Variants in PLAA observed in about 807,000 individuals in gnomAD.
PLAA encodes phospholipase A-2-activating protein.
A neutral mutation model predicts 84.1 loss-of-function variants in PLAA; 48 were observed. That is an observed-to-expected ratio of 0.57 (90% confidence interval 0.45 to 0.73). The LOEUF (loss-of-function observed/expected upper bound fraction) is 0.73. Ranked by LOEUF, PLAA falls within the 30% of genes least tolerant of loss-of-function variation. PLAA has a pLI of 0.00. For synonymous variants in PLAA, 392 were observed against 336.6 expected (o/e 1.16, Z -1.80); for missense variants, 903 against 954.7 (o/e 0.95, Z 0.71).
In PLAA at chr9:26,926,426, TATA is replaced by T. The variant is rs1563913870; in HGVS notation, c.697_699del (p.Tyr233del). 6.2e-7 allele frequency: 1 copy of T among 1,608,616 alleles called. No individual in the cohort carries two copies. The highest frequency in any genetic ancestry group is 8.5e-7 in the Non-Finnish European group (1 of 1,175,256). On this transcript the variant is annotated inframe_deletion, in exon 5 of 14. Transcript: ENST00000397292. ...TTTGGAAAAACGGATATGCTATAAA[TATA>T]ATTTGTATGTCCATAATATACTTCA...
chr9:26,914,770 A>C (rs1047673046), intron 10 of PLAA, among the ~76,000 whole-genome samples: 7 of 152,216 alleles, frequency 4.6e-5, no homozygotes, highest in African/African-American at 1.7e-4. Context: ...TTAAGCTGTT[A>C]AAAGGTAAAG....
At chr9:26,925,493 T>C (rs1241840723) in intron 6 of PLAA, among the ~76,000 whole-genome samples, 4 of 152,224 alleles carry the variant, frequency 2.6e-5, no homozygotes, top group South Asian at 2.1e-4. Context: ...TCTTTCAAAA[T>C]CCAGTTCAAA....
chr9:26,925,711 T>C (rs1464528564), intron 6 of PLAA, 114 bp downstream of exon 6: 5 of 806,394 alleles, frequency 6.2e-6, no homozygotes, highest in South Asian at 3.4e-5. Flanking sequence ...AATTGAAGTG[T>C]CCATATAGTC....
At position 26,939,531 on chromosome 9, in the gene PLAA, A is replaced by AACAG. The variant is rs138560527; in HGVS notation, c.150-4329_150-4326dup. On this transcript the variant is annotated intron_variant, in intron 1 of 13. Transcript: ENST00000397292. ...CAAACAAACTTTAAGGCATATAGAA[A>AACAG]ACAGACAGCAAAATGGCATCGGTGA... 3.1e-3 allele frequency among the ~76,000 whole-genome samples: 472 copies of AACAG among 151,816 alleles called. 3 individuals are homozygous for AACAG. Among genetic ancestry groups the AACAG allele is most frequent in the African/African-American group, 0.011 (460 of 41,468 alleles).
intron 12 of PLAA, among the ~76,000 whole-genome samples, chr9:26,910,097 A>AT (rs1206266005): frequency 9.2e-5 from 14 of 151,926 alleles, no homozygotes; most frequent in Admixed American, 9.2e-4. Flanking sequence ...TCCACCTTTA[A>AT]TTTTTTTTAT....
At chr9:26,939,311 C>A (rs541718268) in intron 1 of PLAA, among the ~76,000 whole-genome samples, 1 of 151,976 alleles carries the variant, frequency 6.6e-6, no homozygotes, top group Admixed American at 6.6e-5. Flanking sequence ...TGGCGTGAAC[C>A]CAAGAGGTGG....
chr9:26,922,489 A>G (rs537229701), intron 7 of PLAA, among the ~76,000 whole-genome samples: 65 of 152,230 alleles, frequency 4.3e-4, no homozygotes, highest in Non-Finnish European at 2.8e-4. Context: ...CCTCATGGAC[A>G]TCCTGAAAGG....
rs1285327068 is a variant in PLAA at position 26,903,447 on chromosome 9, A to T, written c.*2064T>A. Among the ~76,000 whole-genome samples the T allele has an allele frequency of 6.6e-6, 1 of 152,240 alleles. No individual in the cohort carries two copies. Among genetic ancestry groups the T allele is most frequent in the Non-Finnish European group, 1.5e-5 (1 of 68,030 alleles). Reference sequence around the variant, plus strand: ...TTTAAAAATCAGGTTATCAAAGAGTATGTATGATACAACGCTTTTTTAATA... The same window carrying T: ...TTTAAAAATCAGGTTATCAAAGAGTTTGTATGATACAACGCTTTTTTAATA... On this transcript the variant is annotated 3_prime_UTR_variant, in exon 14 of 14. Coordinates refer to ENST00000397292, the MANE Select transcript of PLAA (RefSeq NM_001031689.3).
intron 10 of PLAA, among the ~76,000 whole-genome samples, chr9:26,915,395 A>T (rs17694306): frequency 0.049 from 7,387 of 152,276 alleles, 212 homozygotes; most frequent in South Asian, 0.099. Context: ...AGATCATTCT[A>T]ATAAACATTA....
At position 26,913,903 on chromosome 9, in the gene PLAA, T is replaced by C. The variant is rs1824471495; in HGVS notation, c.1531A>G (p.Met511Val). Residue 511 changes from methionine to valine, a missense_variant, in exon 11 of 14, where the codon ATG becomes GTG. By Grantham distance (21) the Met-to-Val change is conservative. Transcript: ENST00000397292. ...VPGSASMGTTMAGVDPFTGNS... is the reference protein window; with the variant it reads ...VPGSASMGTTVAGVDPFTGNS... ...CCTGTAAATGGATCAACTCCGGCCATGGTAGTTCCCATACTTGCAGAACCT... is the reference window on the plus strand; with the variant it reads ...CCTGTAAATGGATCAACTCCGGCCACGGTAGTTCCCATACTTGCAGAACCT... 5 of 1,612,346 alleles carry C rather than the reference T, an allele frequency of 3.1e-6. No individual in the cohort carries two copies. Among genetic ancestry groups the C allele is most frequent in the South Asian group, 1.1e-5 (1 of 90,998 alleles).
At chr9:26,921,857 T>C (rs1299217683) in intron 7 of PLAA, among the ~76,000 whole-genome samples, 1 of 152,250 alleles carries the variant, frequency 6.6e-6, no homozygotes, top group Non-Finnish European at 1.5e-5. Context: ...CTAGTATCAA[T>C]ACAAATGGGA....
chr9:26,920,675 C>T (rs1824731010), intron 7 of PLAA, among the ~76,000 whole-genome samples: 1 of 152,186 alleles, frequency 6.6e-6, no homozygotes. Flanking sequence ...TAACACATTT[C>T]ATTCCGTAAA....
In PLAA at chr9:26,947,086, G is replaced by A. The variant is rs1825756907; in HGVS notation, c.-41C>T. 18 of 1,485,810 alleles carry A rather than the reference G, an allele frequency of 1.2e-5. No homozygotes were observed. Among genetic ancestry groups the A allele is most frequent in the Admixed American group, 2.3e-5 (1 of 42,692 alleles). The allele number at this position is 1,485,810 out of a possible 1,614,324, so 92.0% of individuals were successfully genotyped here. ...GGCGCCCGGTGCCCAGGCACTGTGC[G>A]AGACCAGTCCGCAGGGGCGACTCGG... On this transcript the variant is annotated 5_prime_UTR_variant, in exon 1 of 14. Transcript: ENST00000397292.
chr9:26,946,994 C>T lies in PLAA; in HGVS notation c.52G>A (p.Glu18Lys), dbSNP rs746683460. The change falls in exon 1 of 14, where the codon GAG (glutamate) becomes AAG (lysine). Residue 18 changes from glutamate to lysine, a missense_variant. Glu to Lys is a moderately conservative substitution (Grantham distance 56). Transcript: ENST00000397292. Reference sequence around the variant, plus strand: ...CACACCAGGCCCCGTACGTCCAGCTCGTGGCCCCGGAGCGAGCAGCTCAGC... The same window carrying T: ...CACACCAGGCCCCGTACGTCCAGCTTGTGGCCCCGGAGCGAGCAGCTCAGC... Reference protein sequence around the residue: ...YRLSCSLRGHELDVRGLVCCA... With the variant: ...YRLSCSLRGHKLDVRGLVCCA... 5.0e-6 allele frequency: 8 copies of T among 1,594,840 alleles called. No homozygotes were observed. In the Admixed American group the frequency reaches 8.7e-5, roughly 17 times the overall value.
chr9:26,912,533 C>T (rs1824430193), intron 11 of PLAA, among the ~76,000 whole-genome samples: 1 of 152,156 alleles, frequency 6.6e-6, no homozygotes. Context: ...CGAGAGGTGA[C>T]ATTAGCTTGT....
At chr9:26,943,403 A>G (rs991080573) in intron 1 of PLAA, among the ~76,000 whole-genome samples, 2 of 152,124 alleles carry the variant, frequency 1.3e-5, no homozygotes, top group Non-Finnish European at 2.9e-5. Context: ...TACATTTACT[A>G]CCCTGATCTA....
chr9:26,943,860 G>C lies in PLAA; in HGVS notation c.149+3037C>G, dbSNP rs1456055181. Among the ~76,000 whole-genome samples, 8 of 152,058 alleles carry C rather than the reference G, an allele frequency of 5.3e-5. No individual in the cohort carries two copies. In the East Asian group the frequency reaches 1.3e-3, roughly 26 times the overall value. On this transcript the variant is annotated intron_variant, in intron 1 of 13. Coordinates refer to ENST00000397292, the MANE Select transcript of PLAA (RefSeq NM_001031689.3). ...CCCAGTTACTTAAGAGGCTGAGGTG[G>C]GAGGATTGTTTGAGCCCAGAAGGTC...
intron 7 of PLAA, among the ~76,000 whole-genome samples, chr9:26,922,837 C>T (rs1228259697): frequency 5.3e-5 from 8 of 151,918 alleles, no homozygotes; most frequent in Non-Finnish European, 8.8e-5. Context: ...TGGCTAATTT[C>T]GTATTTAAAC....
intron 1 of PLAA, among the ~76,000 whole-genome samples, chr9:26,944,621 T>C (rs1295530213): frequency 6.6e-6 from 1 of 152,210 alleles, no homozygotes; most frequent in Non-Finnish European, 1.5e-5. Context: ...AGCCTCATAA[T>C]GTTTTAAGAA....
Sources: allele counts gnomAD v4.1 joint callset (sites outside exome capture counted in the v4.1 genomes callset), GRCh38; gene constraint gnomAD v4.1.1; transcripts MANE v1.5; gene names NCBI Gene and HGNC (gene_info 2026-07-23, HGNC 2026-07-21).